The following HERC2 variants were observed in gnomAD, a reference collection of about 807,000 sequenced individuals.
HERC2 encodes E3 ubiquitin-protein ligase HERC2.
HERC2 carries 102 observed loss-of-function variants against 537.7 expected under a neutral mutation model. That is an observed-to-expected ratio of 0.19 (90% CI 0.16 to 0.22). The LOEUF is 0.22. Ranked by LOEUF, HERC2 falls within the 10% of genes least tolerant of loss-of-function variation. The probability of loss-of-function intolerance (pLI) is 1.00; values close to 1 mark genes in which losing one functional copy is unlikely to be tolerated. For missense variants in HERC2, 4,236 were observed against 6,198.2 expected, an observed-to-expected ratio of 0.68 and a Z score of 10.63; for synonymous variants, 2,224 against 2,466.2, an observed-to-expected ratio of 0.90 and a Z score of 2.91.
chr15:28,212,606 C>T, intron 42 of HERC2, 23 bp from the exon 43 acceptor site: 1 of 1,607,202 alleles, frequency 6.2e-7, no homozygotes, highest in Non-Finnish European at 8.5e-7. Flanking sequence ...CAGAAGCTGT[C>T]AGAGTGTGGC....
At chr15:28,257,790 G>A (rs2075306063) in intron 16 of HERC2, among the ~76,000 whole-genome samples, 1 of 150,410 alleles carries the variant, frequency 6.6e-6, no homozygotes, top group African/African-American at 2.5e-5. Flanking sequence ...CACCCAGACT[G>A]GAGCCTCAGC....
rs60860237 is a variant in HERC2 at position 28,174,335 on chromosome 15, ATC to A, written c.10057+58_10057+59del. 12,032 of 1,191,368 alleles carry A rather than the reference ATC, an allele frequency of 0.01. 833 individuals are homozygous for A. The African/African-American group carries it at 0.2, about 20-fold the overall frequency. The allele number at this position is 1,191,368 out of a possible 1,614,324, so 73.8% of individuals were successfully genotyped here. A position where few individuals can be genotyped will look rare whatever the true frequency, so the allele number is the denominator to read the frequency against. ...TAATTGTGTTGGCACAATTAAATAA[ATC>A]TATAAGGTTGCTGTAAACCTACAGA... On this transcript the variant is annotated intron_variant, in intron 65 of 92. Coordinates refer to ENST00000261609, the MANE Select transcript of HERC2 (RefSeq NM_004667.6).
intron 19 of HERC2, 23 bp from the exon 20 acceptor site, chr15:28,254,541 G>C (rs371465740): frequency 2.6e-6 from 4 of 1,524,126 alleles, no homozygotes; most frequent in Middle Eastern, 1.7e-4. Context: ...AAAAGAAATT[G>C]TTTACAAGTG....
At chr15:28,149,596 G>A (rs1892182776) in intron 70 of HERC2, among the ~76,000 whole-genome samples, 1 of 149,102 alleles carries the variant, frequency 6.7e-6, no homozygotes, top group Non-Finnish European at 1.5e-5. Context: ...AAACACACGC[G>A]GCTCCTAACC....
chr15:28,193,864 C>G (rs1287898734), intron 52 of HERC2, among the ~76,000 whole-genome samples: 1 of 151,834 alleles, frequency 6.6e-6, no homozygotes, highest in African/African-American at 2.4e-5. Flanking sequence ...TTCAGACATA[C>G]AAAAATAGAC....
chr15:28,301,777 A>G (rs1333224683), intron 2 of HERC2, among the ~76,000 whole-genome samples: 2 of 99,014 alleles, frequency 2.0e-5, no homozygotes, highest in East Asian at 3.3e-4. Context: ...ATATATATAT[A>G]TATGGGTTAT....
intron 2 of HERC2, among the ~76,000 whole-genome samples, chr15:28,301,339 C>A (rs144859954): frequency 1.3e-5 from 2 of 151,810 alleles, no homozygotes; most frequent in South Asian, 2.1e-4. Flanking sequence ...AGCCTGAACC[C>A]AGGAGGCCAA....
At chr15:28,270,233 T>TTTTA (rs1279369321) in intron 10 of HERC2, among the ~76,000 whole-genome samples, 3 of 150,266 alleles carry the variant, frequency 2.0e-5, no homozygotes, top group Non-Finnish European at 2.9e-5. Flanking sequence ...AACCCACTCT[T>TTTTA]TTTATTTATT....
chr15:28,249,298 G>C (rs866991605), intron 20 of HERC2, among the ~76,000 whole-genome samples: 1 of 152,196 alleles, frequency 6.6e-6, no homozygotes, highest in African/African-American at 2.4e-5. Context: ...AGCAGGTGCC[G>C]AGGGCTCAGG....
At chr15:28,239,450 T>A (rs1017728514) in intron 23 of HERC2, among the ~76,000 whole-genome samples, 3 of 150,486 alleles carry the variant, frequency 2.0e-5, no homozygotes, top group African/African-American at 7.4e-5. Context: ...GAGGTGGCAG[T>A]TCAAGAAGTC....
At chr15:28,149,455 G>A (rs757644718) in intron 70 of HERC2, among the ~76,000 whole-genome samples, 52 of 147,946 alleles carry the variant, frequency 3.5e-4, no homozygotes, top group African/African-American at 1.1e-3. Context: ...GCTCCTAACC[G>A]AGAACGTCAC....
chr15:28,130,404 C>A (rs1596005966), intron 82 of HERC2, 99 bp downstream of exon 82: 2 of 1,589,190 alleles, frequency 1.3e-6, no homozygotes, highest in South Asian at 2.2e-5. Flanking sequence ...ACAACCATAG[C>A]CTGCTGCAGA....
chr15:28,283,281 A>C (rs1228142581), intron 4 of HERC2, among the ~76,000 whole-genome samples: 1 of 152,186 alleles, frequency 6.6e-6, no homozygotes, highest in Non-Finnish European at 1.5e-5. Flanking sequence ...AACTCCAAAA[A>C]ACAAAAGACA....
intron 70 of HERC2, among the ~76,000 whole-genome samples, chr15:28,152,196 G>A (rs1892527858): frequency 6.6e-6 from 1 of 152,248 alleles, no homozygotes. Flanking sequence ...CACGTGTCCA[G>A]TCAGCAGATC....
chr15:28,194,268 T>C (rs1027110783), intron 52 of HERC2, among the ~76,000 whole-genome samples: 5 of 143,090 alleles, frequency 3.5e-5, no homozygotes, highest in African/African-American at 1.3e-4. Context: ...GGTTTCACCG[T>C]GTTAGCCAGG....
At chr15:28,210,189 A>G (rs999129164) in intron 44 of HERC2, among the ~76,000 whole-genome samples, 7 of 151,940 alleles carry the variant, frequency 4.6e-5, no homozygotes, top group Non-Finnish European at 1.0e-4. Context: ...GCTGGAGTGC[A>G]GTGGCGCCAT....
chr15:28,225,575 G>A (rs56842627), intron 35 of HERC2, among the ~76,000 whole-genome samples: 11,381 of 151,562 alleles, frequency 0.075, 1,472 homozygotes, highest in African/African-American at 0.26. Flanking sequence ...GCGCGTGCCT[G>A]TAGTCCCAGC....
chr15:28,251,526 C>G (rs1375933919), intron 20 of HERC2, among the ~76,000 whole-genome samples: 1 of 146,956 alleles, frequency 6.8e-6, no homozygotes, highest in Non-Finnish European at 1.5e-5. Flanking sequence ...AATGGCCAGG[C>G]GCGGTGGCTC....
At chr15:28,250,872 C>T (rs1188021600) in intron 20 of HERC2, among the ~76,000 whole-genome samples, 4 of 152,134 alleles carry the variant, frequency 2.6e-5, no homozygotes, top group Non-Finnish European at 5.9e-5. Flanking sequence ...TGGAAAGCTG[C>T]GAATGCATTT....
Sources: gnomAD v4.1 joint callset for allele counts (sites outside exome capture counted in the v4.1 genomes callset) on GRCh38, gnomAD v4.1.1 for gene constraint, MANE v1.5 for transcripts, NCBI Gene and HGNC (gene_info 2026-07-23, HGNC 2026-07-21) for gene names.